The following BLVRB variants were observed in gnomAD, a reference collection of about 807,000 sequenced individuals.
The protein encoded by BLVRB is flavin reductase (NADPH).
BLVRB carries 25 observed loss-of-function variants against 21.1 expected under a neutral mutation model. The ratio of observed to expected loss-of-function variants is 1.19; its 90% CI spans 0.86 to 1.66. The LOEUF (loss-of-function observed/expected upper bound fraction) is 1.66. Ranked by LOEUF, BLVRB falls within the 40% of genes most tolerant of loss-of-function variation. The pLI, the probability that BLVRB is intolerant of heterozygous loss-of-function variation, is 0.00. For missense variants in BLVRB, 274 were observed against 282.7 expected (o/e 0.97, Z 0.22); for synonymous variants, 128 against 122.2 (o/e 1.05, Z -0.31).
intron 3 of BLVRB, among the ~76,000 whole-genome samples, chr19:40,456,607 C>T (rs2079763173): frequency 6.6e-6 from 1 of 151,982 alleles, no homozygotes; most frequent in East Asian, 1.9e-4. Flanking sequence ...ATGGGAGAGT[C>T]TGGACGTGGT....
At chr19:40,453,819 T>G (rs1179918794) in intron 3 of BLVRB, among the ~76,000 whole-genome samples, 1 of 152,122 alleles carries the variant, frequency 6.6e-6, no homozygotes, top group Non-Finnish European at 1.5e-5. Context: ...TGGTGAGACC[T>G]GTCTCTACAG....
At chr19:40,461,061 A>T (rs748106223) in intron 1 of BLVRB, among the ~76,000 whole-genome samples, 24 of 152,168 alleles carry the variant, frequency 1.6e-4, no homozygotes, top group African/African-American at 4.6e-4. Flanking sequence ...TAAAAAAATT[A>T]AAAAAAGAGA....
intron 1 of BLVRB, among the ~76,000 whole-genome samples, chr19:40,460,801 C>T (rs560747666): frequency 1.3e-5 from 2 of 152,086 alleles, no homozygotes; most frequent in Admixed American, 6.6e-5. Context: ...AGGGAAACCC[C>T]GCCTCTACTA....
At chr19:40,453,394 A>G (rs1034371453) in intron 3 of BLVRB, among the ~76,000 whole-genome samples, 12 of 151,984 alleles carry the variant, frequency 7.9e-5, no homozygotes, top group African/African-American at 2.7e-4. Context: ...CCCTGCCACC[A>G]CACGCTAGAG....
intron 1 of BLVRB, among the ~76,000 whole-genome samples, chr19:40,460,247 CATATATATATATAT>C (rs57153004): frequency 8.3e-6 from 1 of 121,118 alleles, no homozygotes; most frequent in Non-Finnish European, 1.7e-5. Context: ...GTAATAGCAA[CATATATATATATAT>C]ATATATATAT....
chr19:40,458,333 G>C (rs1436381222), intron 2 of BLVRB, 48 bp downstream of exon 2: 1 of 1,520,122 alleles, frequency 6.6e-7, no homozygotes, highest in Non-Finnish European at 8.9e-7. Flanking sequence ...GGTGGCGCTG[G>C]GGGCCGAGGT....
At chr19:40,454,084 C>CA (rs1568737692) in intron 3 of BLVRB, among the ~76,000 whole-genome samples, 1 of 152,068 alleles carries the variant, frequency 6.6e-6, no homozygotes, top group African/African-American at 2.4e-5. Flanking sequence ...TCTGTCGCAA[C>CA]AAAAAAATTT....
intron 1 of BLVRB, among the ~76,000 whole-genome samples, chr19:40,464,487 T>C (rs2079802091): frequency 6.6e-6 from 1 of 152,146 alleles, no homozygotes; most frequent in African/African-American, 2.4e-5. Flanking sequence ...CTCCAGTTCT[T>C]AACCCTCTGA....
rs775216213 is a variant in BLVRB, at chr19:40,447,924, C to G, written c.586G>C (p.Gly196Arg). Reference protein sequence around the residue: ...LRCLTTDEYDGHSTYPSHQYQ With the variant: ...LRCLTTDEYDRHSTYPSHQYQ The stretch of plus-strand genomic sequence containing the variant: ...TGGTGGGAGGGGTAGGTGCTGTGTC[C>G]GTCGTACTCATCGGTGGTGAGGCAG... The change falls in exon 5 of 5, where the codon GGA becomes CGA. Residue 196 changes from glycine to arginine, a missense_variant. By Grantham distance (125) the Gly-to-Arg change is moderately radical. Transcript: ENST00000263368. 1 of 1,614,016 alleles carries G rather than the reference C, an allele frequency of 6.2e-7. No individual in the cohort carries two copies. The highest frequency in any genetic ancestry group is 8.5e-7 in the Non-Finnish European group (1 of 1,179,988).
intron 4 of BLVRB, among the ~76,000 whole-genome samples, chr19:40,449,892 G>A (rs1052909246): frequency 3.9e-5 from 6 of 152,194 alleles, no homozygotes; most frequent in African/African-American, 1.4e-4. Flanking sequence ...TTTCAAATCG[G>A]GAGGTGTGGA....
intron 1 of BLVRB, among the ~76,000 whole-genome samples, chr19:40,458,777 T>C (rs942043178): frequency 2.6e-5 from 4 of 152,036 alleles, no homozygotes; most frequent in Non-Finnish European, 4.4e-5. Context: ...CACTGCAGCC[T>C]CAACCTCCGG....
chr19:40,448,941 G>T (rs754927104), intron 4 of BLVRB, among the ~76,000 whole-genome samples: 1 of 151,980 alleles, frequency 6.6e-6, no homozygotes, highest in Admixed American at 6.6e-5. Context: ...GCAAAAATTC[G>T]CTGAGTGTGG....
Position 40,458,531 on chromosome 19 carries a change from C to CTG in BLVRB, c.92_93dup (p.Val32GlnfsTer21). 2 of 1,608,984 alleles carry CTG rather than the reference C, an allele frequency of 1.2e-6. No individual in the cohort carries two copies. The highest frequency in any genetic ancestry group is 1.7e-6 in the Non-Finnish European group (2 of 1,177,618). Reference sequence around the variant, plus strand: ...AGCCTGGAGGAGTCCCGCACCAGCACTGTCACTTCGTAACCTGTGGGCAAA... The same window carrying CTG: ...AGCCTGGAGGAGTCCCGCACCAGCACTGTGTCACTTCGTAACCTGTGGGCAAA... On this transcript the variant is annotated frameshift_variant, in exon 2 of 5. Transcript: ENST00000263368. LOFTEE classifies it high-confidence loss of function.
intron 1 of BLVRB, among the ~76,000 whole-genome samples, chr19:40,462,892 CAAAAAAAAAAA>C (rs56923063): frequency 4.0e-5 from 2 of 49,858 alleles, no homozygotes; most frequent in Admixed American, 3.2e-4. Flanking sequence ...ACTCTTGTCT[CAAAAAAAAAAA>C]AAAAAAAAAA....
intron 1 of BLVRB, among the ~76,000 whole-genome samples, chr19:40,459,067 C>T (rs529276468): frequency 1.3e-5 from 2 of 150,952 alleles, no homozygotes; most frequent in East Asian, 2.0e-4. Context: ...TGGTGGCTCA[C>T]GCCTGTAATC....
At chr19:40,463,727 C>T (rs2079798403) in intron 1 of BLVRB, among the ~76,000 whole-genome samples, 1 of 151,670 alleles carries the variant, frequency 6.6e-6, no homozygotes, top group Non-Finnish European at 1.5e-5. Flanking sequence ...GCCTCAGCCT[C>T]CCAAGTACCT....
At chr19:40,456,378 A>C (rs1165005902) in intron 3 of BLVRB, among the ~76,000 whole-genome samples, 1 of 151,652 alleles carries the variant, frequency 6.6e-6, no homozygotes, top group Non-Finnish European at 1.5e-5. Context: ...AGCTATGATC[A>C]GGCCACTGCA....
At chr19:40,457,558 C>T (rs2079766874) in intron 3 of BLVRB, 2 of 151,254 alleles carry the variant, frequency 1.3e-5, no homozygotes, top group Admixed American at 6.6e-5. Context: ...AGGAGAACCA[C>T]CTCCGGGAGG....
chr19:40,461,206 C>A (rs1002930690), intron 1 of BLVRB, among the ~76,000 whole-genome samples: 8 of 152,098 alleles, frequency 5.3e-5, no homozygotes, highest in African/African-American at 1.7e-4. Context: ...AACCATTTTG[C>A]AACTTTATCT....
Sources: allele counts gnomAD v4.1 joint callset (sites outside exome capture counted in the v4.1 genomes callset), GRCh38; gene constraint gnomAD v4.1.1; transcripts MANE v1.5; gene names NCBI Gene and HGNC (gene_info 2026-07-23, HGNC 2026-07-21).